PLXNA1: variants seen among roughly 807,000 people sequenced by gnomAD.
PLXNA1 encodes plexin-A1.
Under a neutral mutation model 191.7 loss-of-function variants are expected in PLXNA1, and 77 were observed. The observed-to-expected ratio is 0.40, with a 90% CI of 0.33 to 0.49. The LOEUF is 0.49. Ranked by LOEUF, PLXNA1 falls within the 20% of genes least tolerant of loss-of-function variation. PLXNA1 has a pLI of 0.63. For missense variants in PLXNA1, 2,110 were observed against 2,660.2 expected, an observed-to-expected ratio of 0.79 and a Z score of 4.55; for synonymous variants, 1,137 against 1,156.4, an observed-to-expected ratio of 0.98 and a Z score of 0.34.
rs756620657 is a variant in PLXNA1, at chr3:127,003,438, C to A, written c.1486C>A (p.His496Asn). 1.2e-6 allele frequency: 2 copies of A among 1,611,412 alleles called. No homozygotes were observed. The highest frequency in any genetic ancestry group is 2.2e-5 in the South Asian group (2 of 90,914). ...ILRDLVLSPN[H>N]QYLYAMTEKQ... ...GCGAGACCTCGTCCTCAGCCCCAACCACCAGTACCTCTACGCCATGACCGA... is the reference window on the plus strand; with the variant it reads ...GCGAGACCTCGTCCTCAGCCCCAACAACCAGTACCTCTACGCCATGACCGA... The change falls in exon 4 of 32, where the codon CAC becomes AAC. Residue 496 changes from histidine (H) to asparagine (N), a missense_variant. His to Asn is a moderately conservative substitution (Grantham distance 68). This residue lies in a region of PLXNA1 where 903 missense variants were observed against 1,015.7 expected (regional missense o/e 0.89). Coordinates refer to ENST00000393409, the MANE Select transcript of PLXNA1 (RefSeq NM_032242.4).
chr3:127,014,707 A>G lies in PLXNA1; in HGVS notation c.2757-4A>G, dbSNP rs2079114130. 2.5e-6 allele frequency: 4 copies of G among 1,611,216 alleles called. No individual in the cohort carries two copies. Among genetic ancestry groups the G allele is most frequent in the African/African-American group, 1.3e-5 (1 of 74,910 alleles). On this transcript the variant is annotated splice_polypyrimidine_tract_variant and splice_region_variant and intron_variant, in intron 13 of 31. Coordinates refer to ENST00000393409, the MANE Select transcript of PLXNA1 (RefSeq NM_032242.4). ...TGCAGCCCCTGAGGCCCGCCTGCCC[A>G]CAGGATCGTCTGTGAGATCGGGGAC... is the stretch of plus-strand genomic sequence containing the variant.
chr3:126,985,760 G>A (rs2078955597), intron 1 of PLXNA1, among the ~76,000 whole-genome samples: 1 of 152,234 alleles, frequency 6.6e-6, no homozygotes, highest in Non-Finnish European at 1.5e-5. Flanking sequence ...CCAGTCTCTG[G>A]AAGCTCGAAA....
chr3:127,024,845 G>A (rs2079169439), intron 23 of PLXNA1, among the ~76,000 whole-genome samples: 1 of 152,144 alleles, frequency 6.6e-6, no homozygotes, highest in African/African-American at 2.4e-5. Context: ...CACATAACTG[G>A]CCAGTGACTT....
At chr3:127,007,768 C>T (rs375671423) in intron 8 of PLXNA1, 31 bp from the exon 9 acceptor site, 123 of 1,510,598 alleles carry the variant, frequency 8.1e-5, no homozygotes, top group Non-Finnish European at 1.1e-4. Flanking sequence ...TTGCGGGTCC[C>T]CAGGCTTCAG....
At chr3:127,014,661 GAC>G (rs2079113725) in intron 13 of PLXNA1, 32 bp downstream of exon 13, 1 of 1,609,296 alleles carries the variant, frequency 6.2e-7, no homozygotes, top group African/African-American at 1.3e-5. Flanking sequence ...TGCGGGGCGG[GAC>G]GGGACGGGGC....
At position 127,016,924 on chromosome 3, in the gene PLXNA1, C is replaced by T. The variant is rs1256663030; in HGVS notation, c.3183-20C>T. ...GCCCCAGCATCATTTGGTGACCCCC[C>T]CACCCCTGTCCTGTTCCAGCGGTGG... On this transcript the variant is annotated intron_variant, in intron 16 of 31. Coordinates refer to ENST00000393409, the MANE Select transcript of PLXNA1 (RefSeq NM_032242.4). The T allele has an allele frequency of 4.4e-6, 7 of 1,601,450 alleles. No homozygotes were observed. The highest frequency in any genetic ancestry group is 6.0e-6 in the Non-Finnish European group (7 of 1,171,148).
intron 1 of PLXNA1, among the ~76,000 whole-genome samples, 162 bp from the exon 2 acceptor site, chr3:126,988,359 G>A (rs551751336): frequency 1.3e-5 from 2 of 152,238 alleles, no homozygotes; most frequent in Non-Finnish European, 2.9e-5. Context: ...CTCAGGCCAG[G>A]GAGGTGCCCA....
In PLXNA1 at chr3:126,991,308, C is replaced by T. The variant is rs1017803087; in HGVS notation, c.1195-76C>T. ...CTCTCTAGAAAGACAACTGCACTCC[C>T]AGCCCTGCCCAGGGAGGCCCAGTCC... On this transcript the variant is annotated intron_variant, in intron 2 of 31. Transcript: ENST00000393409. The T allele has an allele frequency of 3.9e-6, 6 of 1,540,768 alleles. No homozygotes were observed. The African/African-American group carries it at 5.5e-5, about 14-fold the overall frequency.
chr3:127,029,176 A>G, intron 26 of PLXNA1, 80 bp downstream of exon 26: 1 of 1,158,166 alleles, frequency 8.6e-7, no homozygotes. Flanking sequence ...TGTTTGCAGC[A>G]TGTGGGCTGG....
At chr3:126,987,644 A>C (rs559242473) in intron 1 of PLXNA1, among the ~76,000 whole-genome samples, 19 of 152,264 alleles carry the variant, frequency 1.2e-4, no homozygotes, top group African/African-American at 4.1e-4. Context: ...AGCACCTGCC[A>C]GCCTTCCCTG....
At chr3:127,004,212 G>T (rs2079054439) in intron 4 of PLXNA1, among the ~76,000 whole-genome samples, 3 of 152,254 alleles carry the variant, frequency 2.0e-5, no homozygotes, top group African/African-American at 7.2e-5. Context: ...GCCAGAGTGA[G>T]CTGGGGCCCA....
chr3:127,005,317 G>T, intron 7 of PLXNA1, 74 bp downstream of exon 7: 1 of 1,502,978 alleles, frequency 6.7e-7, no homozygotes, highest in Non-Finnish European at 8.9e-7. Flanking sequence ...CGCCTGTTTA[G>T]CGCCTCCCTT....
chr3:127,000,147 G>T (rs1373034381), intron 3 of PLXNA1, among the ~76,000 whole-genome samples: 1 of 151,844 alleles, frequency 6.6e-6, no homozygotes, highest in Non-Finnish European at 1.5e-5. Flanking sequence ...CCTGGTTTGT[G>T]CTGGGAGGTG....
intron 9 of PLXNA1, among the ~76,000 whole-genome samples, chr3:127,008,305 G>A (rs546808362): frequency 1.6e-4 from 25 of 152,120 alleles, no homozygotes; most frequent in Non-Finnish European, 3.5e-4. Flanking sequence ...CCTGGAGTGC[G>A]GGTGCCTGGC....
intron 29 of PLXNA1, among the ~76,000 whole-genome samples, chr3:127,031,402 C>T (rs955557524): frequency 4.6e-5 from 7 of 152,194 alleles, no homozygotes; most frequent in African/African-American, 1.7e-4. Flanking sequence ...CTCCCCCACA[C>T]CTGGGGTCAG....
Position 126,988,791 on chromosome 3 carries a change from C to T in PLXNA1, c.198C>T (p.Gly66=), listed in dbSNP as rs569514108. The T allele has an allele frequency of 8.3e-5, 133 of 1,610,482 alleles. 2 individuals carry two copies. In the South Asian group the frequency reaches 8.8e-4, roughly 11 times the overall value. ...AGCAGACAGGCGAGGTGTATGTGGG[C>T]GCAGTGAACCGCATCTATAAGCTGT... ...VHEQTGEVYV[G]AVNRIYKLSG... The change falls in exon 2 of 32, where the codon GGC becomes GGT. Residue 66 remains glycine, a synonymous_variant. Coordinates refer to ENST00000393409, the MANE Select transcript of PLXNA1 (RefSeq NM_032242.4).
At chr3:126,999,478 G>GTCAGGGC (rs764671792) in intron 3 of PLXNA1, among the ~76,000 whole-genome samples, 6 of 152,230 alleles carry the variant, frequency 3.9e-5, no homozygotes, top group Non-Finnish European at 7.4e-5. Flanking sequence ...CCCTTGCCAG[G>GTCAGGGC]TCAGGGCCAA....
At position 126,988,548 on chromosome 3, in the gene PLXNA1, C is replaced by T; in HGVS notation, c.-46C>T. On this transcript the variant is annotated 5_prime_UTR_variant, in exon 2 of 32. Transcript: ENST00000393409. ...CTGAAGCTCCTGGCACCATGATGCT[C>T]ACCCCAGCAGGACCAGAGCACCGAG... is the stretch of plus-strand genomic sequence containing the variant. 1 of 1,429,628 alleles carries T rather than the reference C, an allele frequency of 7.0e-7. No individual in the cohort carries two copies. Among genetic ancestry groups the T allele is most frequent in the African/African-American group, 1.4e-5 (1 of 69,706 alleles). The allele number at this position is 1,429,628 out of a possible 1,614,324, so 88.6% of individuals were successfully genotyped here. A position where few individuals can be genotyped will look rare whatever the true frequency, so the allele number is the denominator to read the frequency against.
Position 127,007,858 on chromosome 3 carries a change from G to A in PLXNA1, c.2057G>A (p.Cys686Tyr), listed in dbSNP as rs1383337449. Residue 686 changes from cysteine to tyrosine, a missense_variant, in exon 9 of 32, where the codon TGC becomes TAC. By Grantham distance (194) the Cys-to-Tyr change is radical. Around this residue, in one of 4 missense-constraint regions of PLXNA1, gnomAD observed 903 missense variants for 1,015.7 expected, o/e 0.89. Transcript: ENST00000393409. ...CACTGGTGCAAATACCGCCACGTGT[G>A]CACACACAACGTGGCTGACTGCGCC... is the stretch of plus-strand genomic sequence containing the variant. ...PCHWCKYRHVCTHNVADCAFL... is the reference protein window; with the variant it reads ...PCHWCKYRHVYTHNVADCAFL... The A allele has an allele frequency of 1.2e-6, 2 of 1,612,794 alleles. No individual in the cohort carries two copies. Among genetic ancestry groups the A allele is most frequent in the African/African-American group, 1.3e-5 (1 of 74,938 alleles).
Sources: gnomAD v4.1 joint callset for allele counts (sites outside exome capture counted in the v4.1 genomes callset) on GRCh38, gnomAD v4.1.1 for gene constraint, gnomAD v4.1.1 regional missense constraint, MANE v1.5 for transcripts, NCBI Gene and HGNC (gene_info 2026-07-23, HGNC 2026-07-21) for gene names.